ARHGEF7: variants seen among roughly 807,000 people sequenced by gnomAD.
ARHGEF7 encodes Rho guanine nucleotide exchange factor 7.
Under a neutral mutation model 109.8 loss-of-function variants are expected in ARHGEF7, and 33 were observed. The observed-to-expected ratio is 0.30, with a 90% CI of 0.23 to 0.40. ARHGEF7 has a LOEUF of 0.40. Ranked by LOEUF, ARHGEF7 falls within the 10% of genes least tolerant of loss-of-function variation. ARHGEF7 has a pLI of 1.00. For missense variants in ARHGEF7, 938 were observed against 1,098.5 expected (o/e 0.85, Z 2.07); for synonymous variants, 458 against 424.6 (o/e 1.08, Z -0.97).
At chr13:111,248,935 T>C (rs910436956) in intron 8 of ARHGEF7, among the ~76,000 whole-genome samples, 2 of 152,212 alleles carry the variant, frequency 1.3e-5, no homozygotes, top group Non-Finnish European at 1.5e-5. Context: ...TGAAGAGTAT[T>C]GATTTGCTTG....
intron 1 of ARHGEF7, 200 bp from the exon 2 acceptor site, chr13:111,153,705 C>T (rs1351539580): frequency 3.0e-6 from 4 of 1,316,876 alleles, no homozygotes; most frequent in African/African-American, 1.6e-5. Context: ...GGTGCAGCCC[C>T]GGAGGAAGAA....
rs2091698774 is a variant in ARHGEF7 at position 111,266,951 on chromosome 13, C to T, written c.951-597C>T. The T allele has an allele frequency of 2.2e-6, 1 of 454,362 alleles. No individual in the cohort carries two copies. The highest frequency in any genetic ancestry group is 7.0e-5 in the East Asian group (1 of 14,342). 28.1% of individuals were successfully genotyped at this position (454,362 alleles called of 1,614,324 possible). On this transcript the variant is annotated intron_variant, in intron 8 of 21. Transcript: ENST00000646102. This position sits in a 1 kb window ranked among gnomAD's most constrained non-coding sequence, Gnocchi z 4.8. ...CGGCACCACCAGGGGCCCTGATGCCCACAGCTTGTGCCGACTTGTCACCCC... is the reference window on the plus strand; with the variant it reads ...CGGCACCACCAGGGGCCCTGATGCCTACAGCTTGTGCCGACTTGTCACCCC...
chr13:111,225,511 TG>T (rs2085081427), intron 5 of ARHGEF7, among the ~76,000 whole-genome samples: 1 of 151,754 alleles, frequency 6.6e-6, no homozygotes, highest in African/African-American at 2.4e-5. Flanking sequence ...CTTGTTTTTT[TG>T]TTTTTTTTTT....
rs1452840551 is a variant in ARHGEF7, at chr13:111,255,221, C to T, written c.950+10927C>T. Among the ~76,000 whole-genome samples the T allele has an allele frequency of 2.0e-5, 3 of 152,182 alleles. No individual in the cohort carries two copies. The highest frequency in any genetic ancestry group is 2.9e-5 in the Non-Finnish European group (2 of 68,044). Reference sequence around the variant, plus strand: ...GCTCAGAAGAGGATTCGGGCTAAGGCGCTGAGTTCCGTTTGGGGTTGCTGT... The same window carrying T: ...GCTCAGAAGAGGATTCGGGCTAAGGTGCTGAGTTCCGTTTGGGGTTGCTGT... On this transcript the variant is annotated intron_variant, in intron 8 of 21. Transcript: ENST00000646102. This position sits in a 1 kb window ranked among gnomAD's most constrained non-coding sequence, Gnocchi z 4.1.
chr13:111,140,652 G>A (rs1178075417), intron 1 of ARHGEF7, among the ~76,000 whole-genome samples: 2 of 152,122 alleles, frequency 1.3e-5, no homozygotes. Context: ...TTGGCCATTC[G>A]AAGGACTTGG....
chr13:111,254,190 C>A (rs754258085), intron 8 of ARHGEF7, among the ~76,000 whole-genome samples: 2 of 152,220 alleles, frequency 1.3e-5, no homozygotes, highest in African/African-American at 4.8e-5. Context: ...GAAAACAGTA[C>A]ATCAAGAGAA....
chr13:111,232,089 C>G (rs1372883480), intron 5 of ARHGEF7, among the ~76,000 whole-genome samples: 1 of 151,992 alleles, frequency 6.6e-6, no homozygotes, highest in African/African-American at 2.4e-5. Flanking sequence ...TCTGCCCACC[C>G]CCTAGAACTG....
At position 111,150,674 on chromosome 13, in the gene ARHGEF7, A is replaced by C. The variant is rs2075843551; in HGVS notation, c.166-3231A>C. On this transcript the variant is annotated intron_variant, in intron 1 of 21. Transcript: ENST00000646102. Reference sequence around the variant, plus strand: ...CTGCGTATAGTGAGTGATTTCCAGTAGTCTGTCATGGTGGCTTCCTTGTTG... The same window carrying C: ...CTGCGTATAGTGAGTGATTTCCAGTCGTCTGTCATGGTGGCTTCCTTGTTG... Among the ~76,000 whole-genome samples, 3 of 152,204 alleles carry C rather than the reference A, an allele frequency of 2.0e-5. No homozygotes were observed. The South Asian group carries it at 6.2e-4, about 31-fold the overall frequency.
In ARHGEF7 at chr13:111,273,803, T is replaced by C; in HGVS notation, c.1074-11T>C. Reference sequence around the variant, plus strand: ...TAACCACGAGTGTCTCTCTTGCCACTTGCTGCCCAGTGAGGAGTTGGGGGA... The same window carrying C: ...TAACCACGAGTGTCTCTCTTGCCACCTGCTGCCCAGTGAGGAGTTGGGGGA... On this transcript the variant is annotated splice_polypyrimidine_tract_variant and intron_variant, in intron 9 of 21. Coordinates refer to ENST00000646102, the MANE Select transcript of ARHGEF7 (RefSeq NM_001354046.2). This position sits in a 1 kb window ranked among gnomAD's most constrained non-coding sequence, Gnocchi z 4.5. 1.9e-6 allele frequency: 3 copies of C among 1,614,034 alleles called. No individual in the cohort carries two copies. Among genetic ancestry groups the C allele is most frequent in the African/African-American group, 1.3e-5 (1 of 75,056 alleles).
At chr13:111,115,956 G>A (rs558301783) in intron 1 of ARHGEF7, among the ~76,000 whole-genome samples, 1 of 151,836 alleles carries the variant, frequency 6.6e-6, no homozygotes, top group South Asian at 2.1e-4. Context: ...AGAGTGCACC[G>A]CAGCGAGGAG....
In ARHGEF7 at chr13:111,245,582, C is replaced by G. The variant is rs575203011; in HGVS notation, c.950+1288C>G. Among the ~76,000 whole-genome samples, 7 of 152,226 alleles carry G rather than the reference C, an allele frequency of 4.6e-5. No homozygotes were observed. The South Asian group carries it at 1.5e-3, about 32-fold the overall frequency. The stretch of plus-strand genomic sequence containing the variant: ...GTAAGAGGATCAGCTTCAGTGATTG[C>G]TCTCATTTGGTCGTTGTCAACTTCT... On this transcript the variant is annotated intron_variant, in intron 8 of 21. Transcript: ENST00000646102.
At chr13:111,242,099 C>A (rs960553552) in intron 6 of ARHGEF7, among the ~76,000 whole-genome samples, 1 of 152,156 alleles carries the variant, frequency 6.6e-6, no homozygotes, top group African/African-American at 2.4e-5. Flanking sequence ...TCAGCATTTC[C>A]CATGAAGAGC....
At chr13:111,288,498 A>C in intron 18 of ARHGEF7, 55 bp downstream of exon 18, 1 of 1,433,154 alleles carries the variant, frequency 7.0e-7, no homozygotes, top group African/African-American at 1.4e-5. Context: ...TTTAGTTTCA[A>C]ATTACAGTCT....
At chr13:111,263,190 C>T (rs2091285914) in intron 8 of ARHGEF7, among the ~76,000 whole-genome samples, 1 of 152,130 alleles carries the variant, frequency 6.6e-6, no homozygotes. Flanking sequence ...CTCAGCTGAC[C>T]TTTATGAGCT....
At chr13:111,248,079 G>A (rs1218103379) in intron 8 of ARHGEF7, among the ~76,000 whole-genome samples, 1 of 152,070 alleles carries the variant, frequency 6.6e-6, no homozygotes, top group East Asian at 1.9e-4. Flanking sequence ...TTGTAATTCA[G>A]GTGTGTTACT....
chr13:111,255,430 T>C lies in ARHGEF7; in HGVS notation c.950+11136T>C, dbSNP rs2090307164. Among the ~76,000 whole-genome samples the C allele has an allele frequency of 6.6e-6, 1 of 152,180 alleles. No homozygotes were observed. The highest frequency in any genetic ancestry group is 2.1e-4 in the South Asian group (1 of 4,832). ...CCATGTCTGTCCCAGTGTCCTCATC[T>C]ATAAAGCAGGGGTGCTGGTGTCACC... On this transcript the variant is annotated intron_variant, in intron 8 of 21. Coordinates refer to ENST00000646102, the MANE Select transcript of ARHGEF7 (RefSeq NM_001354046.2). The surrounding 1 kb of genome is among the most constrained non-coding windows in gnomAD (Gnocchi z 4.1).
intron 3 of ARHGEF7, among the ~76,000 whole-genome samples, chr13:111,206,877 G>A (rs113153152): frequency 0.1 from 15,309 of 151,078 alleles, 1,018 homozygotes; most frequent in Middle Eastern, 0.16. Flanking sequence ...CAGGAGAATG[G>A]CGTGAACCCG....
intron 1 of ARHGEF7, among the ~76,000 whole-genome samples, chr13:111,151,786 T>C (rs1009149424): frequency 7.9e-5 from 12 of 152,114 alleles, no homozygotes; most frequent in Non-Finnish European, 5.9e-5. Context: ...TTGGGGGCCA[T>C]TTGAAACAGA....
intron 17 of ARHGEF7, among the ~76,000 whole-genome samples, chr13:111,287,111 T>A (rs72653562): frequency 0.012 from 1,767 of 152,322 alleles, 21 homozygotes; most frequent in Middle Eastern, 0.034. Context: ...ATCAGCCCAG[T>A]GAGGTGACCG....
Sources: allele counts gnomAD v4.1 joint callset (sites outside exome capture counted in the v4.1 genomes callset), GRCh38; gene constraint gnomAD v4.1.1; non-coding constraint Gnocchi (gnomAD v3.1); transcripts MANE v1.5; gene names NCBI Gene and HGNC (gene_info 2026-07-23, HGNC 2026-07-21).